The following MRPL1 variants were observed in gnomAD, a reference collection of about 807,000 sequenced individuals.
The protein encoded by MRPL1 is mitochondrial ribosomal protein L1, also known as large ribosomal subunit protein uL1m.
A neutral mutation model predicts 38.0 loss-of-function variants in MRPL1; 28 were observed. The observed-to-expected ratio is 0.74, with a 90% CI of 0.55 to 1.01. The LOEUF (loss-of-function observed/expected upper bound fraction) is 1.01, where lower values mean the gene tolerates loss of function less well. Ranked by LOEUF, MRPL1 falls within the 50% of genes least tolerant of loss-of-function variation. The pLI is 0.00. For synonymous variants in MRPL1, 123 were observed against 126.7 expected (o/e 0.97, Z 0.20); for missense variants, 358 against 389.8 (o/e 0.92, Z 0.69).
intron 7 of MRPL1, among the ~76,000 whole-genome samples, chr4:77,913,330 T>C (rs1479142952): frequency 1.3e-5 from 2 of 152,118 alleles, no homozygotes; most frequent in Non-Finnish European, 2.9e-5. Flanking sequence ...ACTACCCAAT[T>C]TTAAAAATCA....
chr4:77,936,301 G>C (rs1736976727), intron 7 of MRPL1, among the ~76,000 whole-genome samples: 1 of 151,642 alleles, frequency 6.6e-6, no homozygotes, highest in Admixed American at 6.6e-5. Flanking sequence ...AACCTATTAT[G>C]TAGATATATA....
intron 7 of MRPL1, among the ~76,000 whole-genome samples, chr4:77,912,872 C>T (rs1736320706): frequency 6.6e-6 from 1 of 151,914 alleles, no homozygotes; most frequent in Non-Finnish European, 1.5e-5. Context: ...ATAGAGAGTC[C>T]AGAAAGAAAG....
intron 7 of MRPL1, among the ~76,000 whole-genome samples, chr4:77,939,606 G>T (rs1157928134): frequency 6.6e-6 from 1 of 152,094 alleles, no homozygotes; most frequent in African/African-American, 2.4e-5. Flanking sequence ...TGGACATGAA[G>T]TCATTGCCTA....
chr4:77,937,301 A>G (rs1169933053), intron 7 of MRPL1, among the ~76,000 whole-genome samples: 1 of 151,906 alleles, frequency 6.6e-6, no homozygotes, highest in Non-Finnish European at 1.5e-5. Flanking sequence ...ATATCCAAAG[A>G]TTTCCCTTGA....
At chr4:77,888,240 C>T (rs940080407) in intron 5 of MRPL1, among the ~76,000 whole-genome samples, 3 of 152,216 alleles carry the variant, frequency 2.0e-5, no homozygotes, top group Admixed American at 6.5e-5. Context: ...CGCAGTGGCT[C>T]ATGCCTGTAA....
chr4:77,921,165 C>T (rs987992155), intron 7 of MRPL1, among the ~76,000 whole-genome samples: 2 of 152,204 alleles, frequency 1.3e-5, no homozygotes, highest in African/African-American at 2.4e-5. Context: ...TAATAACTCT[C>T]TGTCCCTTTA....
At position 77,935,412 on chromosome 4, in the gene MRPL1, T is replaced by A. The variant is rs980940465; in HGVS notation, c.778-14385T>A. Among the ~76,000 whole-genome samples the A allele has an allele frequency of 2.6e-5, 4 of 152,308 alleles. No individual in the cohort carries two copies. In the East Asian group the frequency reaches 7.8e-4, roughly 30 times the overall value. On this transcript the variant is annotated intron_variant, in intron 7 of 8. Coordinates refer to ENST00000315567, the MANE Select transcript of MRPL1 (RefSeq NM_020236.4). ...AAAATAATTCTTTTTTTTTTCTTTTTGAGACGGAGTCTCGCTCTCTCGCCC... is the reference window on the plus strand; with the variant it reads ...AAAATAATTCTTTTTTTTTTCTTTTAGAGACGGAGTCTCGCTCTCTCGCCC...
intron 7 of MRPL1, among the ~76,000 whole-genome samples, chr4:77,927,566 A>T (rs1294171660): frequency 6.6e-6 from 1 of 152,042 alleles, no homozygotes; most frequent in Admixed American, 6.5e-5. Context: ...AAAAATATGG[A>T]TGTTACTTGT....
At chr4:77,873,332 G>C (rs1220136670) in intron 2 of MRPL1, among the ~76,000 whole-genome samples, 2 of 152,276 alleles carry the variant, frequency 1.3e-5, no homozygotes, top group African/African-American at 4.8e-5. Context: ...GTTGGAGGAA[G>C]GATTTCAGCC....
intron 7 of MRPL1, among the ~76,000 whole-genome samples, chr4:77,923,444 T>C (rs1414393521): frequency 6.6e-6 from 1 of 152,108 alleles, no homozygotes; most frequent in Non-Finnish European, 1.5e-5. Flanking sequence ...TACTGAATAG[T>C]TTTTAAAACA....
intron 7 of MRPL1, 27 bp from the exon 8 acceptor site, chr4:77,949,770 A>C: frequency 7.2e-7 from 1 of 1,391,000 alleles, no homozygotes; most frequent in East Asian, 2.3e-5. Flanking sequence ...TCTCATCATT[A>C]ATGTTATGTA....
intron 6 of MRPL1, among the ~76,000 whole-genome samples, chr4:77,902,441 T>G (rs926363610): frequency 6.7e-6 from 1 of 149,218 alleles, no homozygotes; most frequent in African/African-American, 2.5e-5. Flanking sequence ...ATCATTGTTC[T>G]AAGATTTTTA....
At chr4:77,896,862 T>C (rs1735925706) in intron 6 of MRPL1, among the ~76,000 whole-genome samples, 1 of 152,172 alleles carries the variant, frequency 6.6e-6, no homozygotes, top group South Asian at 2.1e-4. Context: ...TTTTTTGTTT[T>C]ATTAAAAAAA....
chr4:77,886,848 A>G (rs1578042915), intron 4 of MRPL1, among the ~76,000 whole-genome samples: 1 of 129,094 alleles, frequency 7.7e-6, no homozygotes, highest in South Asian at 2.5e-4. Flanking sequence ...GCTGGAGTGC[A>G]GTGGTGTGAT....
At chr4:77,948,864 G>A (rs1310973262) in intron 7 of MRPL1, among the ~76,000 whole-genome samples, 1 of 150,928 alleles carries the variant, frequency 6.6e-6, no homozygotes, top group Non-Finnish European at 1.5e-5. Flanking sequence ...TCCGCCTCCT[G>A]GGACCAAGCG....
chr4:77,935,187 A>G (rs1224055255), intron 7 of MRPL1, among the ~76,000 whole-genome samples: 2 of 152,174 alleles, frequency 1.3e-5, no homozygotes, highest in Non-Finnish European at 2.9e-5. Flanking sequence ...TGGATTCTGT[A>G]TCCTGTATTG....
Position 77,862,865 on chromosome 4 carries a change from G to A in MRPL1, c.17G>A (p.Arg6Lys), listed in dbSNP as rs1409571084. The change falls in exon 1 of 9, where the codon AGG becomes AAG. Residue 6 changes from arginine (R) to lysine (K), a missense_variant. Transcript: ENST00000315567. Reference sequence around the variant, plus strand: ...GTGCCCAACATGGCGGCGGCCGTAAGGTGCATGGGTAGAGGTAAGGCGAGG... The same window carrying A: ...GTGCCCAACATGGCGGCGGCCGTAAAGTGCATGGGTAGAGGTAAGGCGAGG... Reference protein sequence around the residue: MAAAVRCMGRALIHHQ... With the variant: MAAAVKCMGRALIHHQ... 6 of 1,614,150 alleles carry A rather than the reference G, an allele frequency of 3.7e-6. No individual in the cohort carries two copies. The highest frequency in any genetic ancestry group is 5.1e-6 in the Non-Finnish European group (6 of 1,180,012).
chr4:77,889,681 A>G (rs958617762), intron 5 of MRPL1, among the ~76,000 whole-genome samples: 2 of 152,222 alleles, frequency 1.3e-5, no homozygotes, highest in Non-Finnish European at 2.9e-5. Flanking sequence ...CAAAAAATCA[A>G]TGAATCCATT....
chr4:77,947,725 C>T (rs1014314374), intron 7 of MRPL1, among the ~76,000 whole-genome samples: 3 of 152,132 alleles, frequency 2.0e-5, no homozygotes, highest in African/African-American at 7.2e-5. Flanking sequence ...ATTTTGTTTG[C>T]CTACACAGCT....
Sources: allele counts gnomAD v4.1 joint callset (sites outside exome capture counted in the v4.1 genomes callset), GRCh38; gene constraint gnomAD v4.1.1; transcripts MANE v1.5; gene names NCBI Gene and HGNC (gene_info 2026-07-23, HGNC 2026-07-21).